The following AHRR variants were observed in gnomAD, a reference collection of about 807,000 sequenced individuals.
The protein encoded by AHRR is ahR repressor.
A neutral mutation model predicts 44.0 loss-of-function variants in AHRR; 28 were observed. That is an observed-to-expected ratio of 0.64 (90% CI 0.47 to 0.87). AHRR has a LOEUF of 0.87. Among genes scored for constraint, AHRR ranks in the 40% least tolerant of loss-of-function variants. The pLI, the probability that AHRR is intolerant of heterozygous loss-of-function variation, is 0.00. For synonymous variants in AHRR, 434 were observed against 407.0 expected (o/e 1.07, Z -0.80); for missense variants, 990 against 953.9 (o/e 1.04, Z -0.50).
chr5:366,901 G>T (rs567831534), intron 3 of AHRR, among the ~76,000 whole-genome samples: 1 of 152,328 alleles, frequency 6.6e-6, no homozygotes, highest in South Asian at 2.1e-4. Flanking sequence ...GAAAGCCAAG[G>T]AGTTACTGGA....
At position 432,835 on chromosome 5, in the gene AHRR, G is replaced by C. The variant is rs1350083172; in HGVS notation, c.1000G>C (p.Val334Leu). 1.2e-6 allele frequency: 2 copies of C among 1,613,754 alleles called. No individual in the cohort carries two copies. The highest frequency in any genetic ancestry group is 1.3e-5 in the African/African-American group (1 of 74,918). Residue 334 changes from valine to leucine, a missense_variant, in exon 10 of 11, where the codon GTG becomes CTG. Physicochemically the swap from Val to Leu is conservative, Grantham distance 32. Coordinates refer to ENST00000684583, the MANE Select transcript of AHRR (RefSeq NM_001377236.1). Reference protein sequence around the residue: ...GRSSRESGVLVLREQTDAGRW... With the variant: ...GRSSRESGVLLLREQTDAGRW... Reference sequence around the variant, plus strand: ...GAGCAGCAGAGAGAGCGGCGTTTTGGTGCTCAGGGAACAGACTGACGCTGG... The same window carrying C: ...GAGCAGCAGAGAGAGCGGCGTTTTGCTGCTCAGGGAACAGACTGACGCTGG...
rs1734199254 is a variant in AHRR at position 387,140 on chromosome 5, G to A, written c.351+10424G>A. On this transcript the variant is annotated intron_variant, in intron 4 of 10. Coordinates refer to ENST00000684583, the MANE Select transcript of AHRR (RefSeq NM_001377236.1). This position sits in a 1 kb window ranked among gnomAD's most constrained non-coding sequence, Gnocchi z 5.1. Reference sequence around the variant, plus strand: ...GGTTCACGTCAGTGCAGCTCAAAGTGCTTTACGCTGTGTCTCTGGTGTGTT... The same window carrying A: ...GGTTCACGTCAGTGCAGCTCAAAGTACTTTACGCTGTGTCTCTGGTGTGTT... 6.6e-6 allele frequency among the ~76,000 whole-genome samples: 1 copy of A among 152,226 alleles called. No homozygotes were observed. The highest frequency in any genetic ancestry group is 2.1e-4 in the South Asian group (1 of 4,832).
intron 3 of AHRR, 83 bp from the exon 4 acceptor site, chr5:376,527 G>A (rs28550394): frequency 3.8e-4 from 523 of 1,391,646 alleles, no homozygotes; most frequent in South Asian, 3.5e-3. Context: ...GTGAACGCGG[G>A]GAAACACAGG....
rs564324661 is a variant in AHRR, at chr5:383,120, A to G, written c.351+6404A>G. 6.6e-5 allele frequency among the ~76,000 whole-genome samples: 10 copies of G among 152,350 alleles called. No homozygotes were observed. Among genetic ancestry groups the G allele is most frequent in the Non-Finnish European group, 1.2e-4 (8 of 68,022 alleles). ...ATTCTGGCTCAATTTTGTTATGGTC[A>G]GAGAATATACTTTTTAATGATTTCT... On this transcript the variant is annotated intron_variant, in intron 4 of 10. Transcript: ENST00000684583. This position sits in a 1 kb window ranked among gnomAD's most constrained non-coding sequence, Gnocchi z 4.0.
rs112741561 is a variant in AHRR, at chr5:373,660, C to T, written c.245-2950C>T. Among the ~76,000 whole-genome samples the T allele has an allele frequency of 4.6e-5, 7 of 152,104 alleles. 1 individual carries two copies. Among genetic ancestry groups the T allele is most frequent in the African/African-American group, 1.7e-4 (7 of 41,538 alleles). The stretch of plus-strand genomic sequence containing the variant: ...GGGCTGGAGAGGTGGGGGATGGGGG[C>T]TCCCTCCCGGGGCGGACCCTCAGGT... On this transcript the variant is annotated intron_variant, in intron 3 of 10. Coordinates refer to ENST00000684583, the MANE Select transcript of AHRR (RefSeq NM_001377236.1).
chr5:393,828 G>A (rs1734579713), intron 4 of AHRR, among the ~76,000 whole-genome samples: 1 of 152,102 alleles, frequency 6.6e-6, no homozygotes, highest in African/African-American at 2.4e-5. Flanking sequence ...AGTAGAGATG[G>A]GGTTTCACCA....
chr5:393,072 C>G (rs553766506), intron 4 of AHRR, among the ~76,000 whole-genome samples: 9 of 152,274 alleles, frequency 5.9e-5, no homozygotes, highest in Non-Finnish European at 1.2e-4. Context: ...CCTCCCCTAA[C>G]CCTCTGTTAG....
At position 427,916 on chromosome 5, in the gene AHRR, T is replaced by C. The variant is rs750233101; in HGVS notation, c.818T>C (p.Val273Ala). ...TCGCTGTTCTGCATTGCGGCACCCGTTCTCCTCCCCTCCGCAGCGGAGATG... is the reference window on the plus strand; with the variant it reads ...TCGCTGTTCTGCATTGCGGCACCCGCTCTCCTCCCCTCCGCAGCGGAGATG... ...RLSLFCIAAP[V>A]LLPSAAEMKM... is the part of the protein sequence containing the mutation. The change falls in exon 8 of 11, where the codon GTT becomes GCT. Residue 273 changes from valine (V) to alanine (A), a missense_variant. Val to Ala is a moderately conservative substitution (Grantham distance 64). Transcript: ENST00000684583. The C allele has an allele frequency of 1.9e-6, 3 of 1,614,104 alleles. No homozygotes were observed. The South Asian group carries it at 3.3e-5, about 18-fold the overall frequency.
At chr5:373,675 G>A (rs1330260811) in intron 3 of AHRR, among the ~76,000 whole-genome samples, 1 of 151,620 alleles carries the variant, frequency 6.6e-6, no homozygotes, top group Non-Finnish European at 1.5e-5. Flanking sequence ...TCCCGGGGCG[G>A]ACCCTCAGGT....
At chr5:331,341 G>T (rs1741903768) in intron 1 of AHRR, among the ~76,000 whole-genome samples, 1 of 152,080 alleles carries the variant, frequency 6.6e-6, no homozygotes, top group African/African-American at 2.4e-5. Flanking sequence ...TGAGCATATA[G>T]TTGTTCATAA....
chr5:402,070 C>T (rs1455001324), intron 4 of AHRR, among the ~76,000 whole-genome samples: 1 of 152,096 alleles, frequency 6.6e-6, no homozygotes. Flanking sequence ...GCGGGAAAGA[C>T]CCCACATACA....
Position 398,191 on chromosome 5 carries a change from A to G in AHRR, c.352-15153A>G, listed in dbSNP as rs1277822187. ...CTGACCATCCACGTAGCTCCTGACC[A>G]TCCACGTAGCTCCTGACCATCCACG... is the stretch of plus-strand genomic sequence containing the variant. On this transcript the variant is annotated intron_variant, in intron 4 of 10. Transcript: ENST00000684583. 1.6e-4 allele frequency among the ~76,000 whole-genome samples: 21 copies of G among 129,764 alleles called. 1 individual carries two copies. Among genetic ancestry groups the G allele is most frequent in the African/African-American group, 6.0e-4 (18 of 30,216 alleles). The allele number at this position is 129,764 out of a possible 152,430, so 85.1% of individuals were successfully genotyped here.
chr5:409,226 C>T (rs1735380855), intron 4 of AHRR, among the ~76,000 whole-genome samples: 1 of 152,116 alleles, frequency 6.6e-6, no homozygotes, highest in Non-Finnish European at 1.5e-5. Flanking sequence ...TTTGTTTATC[C>T]ATTATCCGAT....
chr5:333,658 G>A (rs1579588472), intron 1 of AHRR, among the ~76,000 whole-genome samples: 1 of 152,290 alleles, frequency 6.6e-6, no homozygotes, highest in South Asian at 2.1e-4. Context: ...ATATTGGTAT[G>A]TAAGGTTTGA....
At chr5:409,929 CTT>C (rs1436977525) in intron 4 of AHRR, among the ~76,000 whole-genome samples, 1 of 152,058 alleles carries the variant, frequency 6.6e-6, no homozygotes, top group Non-Finnish European at 1.5e-5. Flanking sequence ...TGTTGTAGGT[CTT>C]GAGTTAATTT....
At chr5:366,324 G>T (rs1743360038) in intron 3 of AHRR, among the ~76,000 whole-genome samples, 1 of 152,082 alleles carries the variant, frequency 6.6e-6, no homozygotes, top group Non-Finnish European at 1.5e-5. Context: ...GTCTTGAAGG[G>T]GCTCCCGCTG....
Position 434,728 on chromosome 5 carries a change from C to G in AHRR, c.1988C>G (p.Pro663Arg), listed in dbSNP as rs1431747783. Residue 663 changes from proline to arginine, a missense_variant, in exon 11 of 11, where the codon CCC becomes CGC. Physicochemically the swap from Pro to Arg is moderately radical, Grantham distance 103. Coordinates refer to ENST00000684583, the MANE Select transcript of AHRR (RefSeq NM_001377236.1). ...PVVKREPLDS[P>R]QWATHSQGMV... ...GTCAAGCGGGAGCCCTTGGACTCAC[C>G]CCAGTGGGCTACTCACAGCCAGGGA... 1 of 1,571,542 alleles carries G rather than the reference C, an allele frequency of 6.4e-7. No individual in the cohort carries two copies. The highest frequency in any genetic ancestry group is 1.2e-5 in the South Asian group (1 of 85,626).
intron 4 of AHRR, among the ~76,000 whole-genome samples, chr5:393,356 G>A (rs758409601): frequency 3.3e-5 from 5 of 152,208 alleles, no homozygotes; most frequent in South Asian, 2.1e-4. Context: ...ACCCGATCAC[G>A]TCGCTCACTA....
At chr5:431,249 GCTC>G (rs1736716445) in intron 8 of AHRR, among the ~76,000 whole-genome samples, 1 of 152,224 alleles carries the variant, frequency 6.6e-6, no homozygotes, top group Admixed American at 6.5e-5. Context: ...AGGTCACAGC[GCTC>G]CTCCTGCGGC....
Sources: gnomAD v4.1 joint callset for allele counts (sites outside exome capture counted in the v4.1 genomes callset) on GRCh38, gnomAD v4.1.1 for gene constraint, Gnocchi (gnomAD v3.1) non-coding constraint, MANE v1.5 for transcripts, NCBI Gene and HGNC (gene_info 2026-07-23, HGNC 2026-07-21) for gene names.